The following CD9 variants were observed in gnomAD, a reference collection of about 807,000 sequenced individuals.
CD9 encodes CD9 molecule.
A neutral mutation model predicts 31.4 loss-of-function variants in CD9; 10 were observed. That is an observed-to-expected ratio of 0.32 (90% CI 0.20 to 0.54). CD9 has a LOEUF of 0.54. CD9 is among the 20% of genes least tolerant of loss of function. The probability of loss-of-function intolerance (pLI) is 0.94; values close to 1 mark genes in which losing one functional copy is unlikely to be tolerated. For missense variants in CD9, 259 were observed against 300.1 expected (o/e 0.86, Z 1.01); for synonymous variants, 113 against 114.1 (o/e 0.99, Z 0.06).
intron 1 of CD9, among the ~76,000 whole-genome samples, chr12:6,202,185 A>G (rs1478565076): frequency 2.0e-5 from 3 of 152,114 alleles, no homozygotes; most frequent in Admixed American, 2.0e-4. Context: ...GCAGAGACTG[A>G]CTTCCCCCAG....
At chr12:6,221,833 AG>A in intron 1 of CD9, among the ~76,000 whole-genome samples, 1 of 148,492 alleles carries the variant, frequency 6.7e-6, no homozygotes, top group African/African-American at 2.4e-5. Flanking sequence ...AAAAAAAAAA[AG>A]GGTTTAAAAT....
chr12:6,209,438 G>A (rs555565007), intron 1 of CD9, among the ~76,000 whole-genome samples: 1 of 152,176 alleles, frequency 6.6e-6, no homozygotes, highest in Non-Finnish European at 1.5e-5. Context: ...CGTTCCTAGA[G>A]ACGGGAGGCC....
intron 2 of CD9, among the ~76,000 whole-genome samples, chr12:6,231,140 T>G (rs1162019937): frequency 1.3e-5 from 2 of 152,156 alleles, no homozygotes; most frequent in Non-Finnish European, 2.9e-5. Context: ...AGCCCCTACA[T>G]CAAGGATATC....
intron 7 of CD9, 61 bp downstream of exon 7, chr12:6,236,336 G>C: frequency 6.9e-7 from 1 of 1,452,022 alleles, no homozygotes; most frequent in Non-Finnish European, 9.7e-7. Context: ...TTCAGCCCAT[G>C]CTCTACCCAG....
chr12:6,237,864 A>AT lies in CD9; in HGVS notation c.*37dup, dbSNP rs1565431458. 1 of 1,477,968 alleles carries AT rather than the reference A, an allele frequency of 6.8e-7. No homozygotes were observed. The highest frequency in any genetic ancestry group is 1.7e-5 in the Admixed American group (1 of 58,526). The allele number at this position is 1,477,968 out of a possible 1,614,324, so 91.6% of individuals were successfully genotyped here. A position where few individuals can be genotyped will look rare whatever the true frequency, so the allele number is the denominator to read the frequency against. The stretch of plus-strand genomic sequence containing the variant: ...CATCCCTGAGCAGGAAAGTTTACCC[A>AT]TGAAGATTGGTGGGATTTTTTGTTT... On this transcript the variant is annotated 3_prime_UTR_variant, in exon 8 of 8. Transcript: ENST00000009180.
At chr12:6,217,644 C>A (rs571450008) in intron 1 of CD9, among the ~76,000 whole-genome samples, 1 of 152,168 alleles carries the variant, frequency 6.6e-6, no homozygotes, top group African/African-American at 2.4e-5. Context: ...AGCCACCTGT[C>A]CCTTGTTGAA....
At chr12:6,228,558 C>CAA (rs5796224) in intron 2 of CD9, among the ~76,000 whole-genome samples, 251 of 68,082 alleles carry the variant, frequency 3.7e-3, no homozygotes, top group Non-Finnish European at 5.6e-3. Context: ...GACTCCATCT[C>CAA]AAAAAAAAAA....
At chr12:6,201,306 C>CA (rs36107890) in intron 1 of CD9, among the ~76,000 whole-genome samples, 61,822 of 152,128 alleles carry the variant, frequency 0.41, 13,162 homozygotes, top group Admixed American at 0.53. Context: ...GGAGAGAACT[C>CA]AGAGTTCGGG....
chr12:6,228,445 G>A (rs892822269), intron 2 of CD9, among the ~76,000 whole-genome samples: 7 of 151,560 alleles, frequency 4.6e-5, no homozygotes, highest in African/African-American at 1.7e-4. Flanking sequence ...CCAGCTACTC[G>A]GGAGGCTGAG....
At chr12:6,207,794 G>T (rs1946149159) in intron 1 of CD9, among the ~76,000 whole-genome samples, 1 of 152,178 alleles carries the variant, frequency 6.6e-6, no homozygotes, top group African/African-American at 2.4e-5. Context: ...AGGAGGTCCC[G>T]GTAGAGAGAA....
intron 1 of CD9, among the ~76,000 whole-genome samples, chr12:6,213,353 C>G (rs578025057): frequency 3.3e-5 from 5 of 152,380 alleles, no homozygotes; most frequent in Admixed American, 6.5e-5. Context: ...GAGGACGTAT[C>G]TTTCCACCTG....
intron 2 of CD9, among the ~76,000 whole-genome samples, chr12:6,226,147 C>T (rs976931036): frequency 1.3e-5 from 2 of 152,160 alleles, no homozygotes; most frequent in Non-Finnish European, 2.9e-5. Context: ...CCAGTTTAAA[C>T]CTGCCTGGGA....
chr12:6,221,110 C>T (rs1404567884), intron 1 of CD9, among the ~76,000 whole-genome samples: 3 of 152,334 alleles, frequency 2.0e-5, no homozygotes, highest in African/African-American at 4.8e-5. Context: ...ATGTTTTTCT[C>T]AGGGCCTAGC....
chr12:6,199,992 C>A (rs185485301), upstream of CD9: 1 of 152,176 alleles, frequency 6.6e-6, no homozygotes, highest in African/African-American at 2.4e-5. Context: ...CCTGACGACC[C>A]GGGGAAGAGT....
chr12:6,237,848 G>A lies in CD9; in HGVS notation c.*20G>A, dbSNP rs1356637815. ...GTCTAGAGTCAGCTTACATCCCTGA[G>A]CAGGAAAGTTTACCCATGAAGATTG... On this transcript the variant is annotated 3_prime_UTR_variant, in exon 8 of 8. Coordinates refer to ENST00000009180, the MANE Select transcript of CD9 (RefSeq NM_001769.4). The A allele has an allele frequency of 1.9e-6, 3 of 1,584,772 alleles. No homozygotes were observed. The South Asian group carries it at 3.3e-5, about 18-fold the overall frequency.
At chr12:6,224,192 ATTATC>A (rs1017617437) in intron 1 of CD9, among the ~76,000 whole-genome samples, 1 of 152,108 alleles carries the variant, frequency 6.6e-6, no homozygotes, top group African/African-American at 2.4e-5. Flanking sequence ...CACTTCTGAT[ATTATC>A]TTCTTTATTC....
chr12:6,216,183 C>A (rs976652738), intron 1 of CD9, among the ~76,000 whole-genome samples: 1 of 152,204 alleles, frequency 6.6e-6, no homozygotes, highest in East Asian at 1.9e-4. Context: ...GGCCCAGAGC[C>A]CACAGGTCTG....
At chr12:6,200,647 C>T (rs1565416688) in intron 1 of CD9, 82 bp downstream of exon 1, 7 of 928,416 alleles carry the variant, frequency 7.5e-6, no homozygotes, top group East Asian at 2.6e-5. Flanking sequence ...CCGCGAGTGC[C>T]GGCAGCTGGC....
At chr12:6,216,923 G>A (rs1446356945) in intron 1 of CD9, among the ~76,000 whole-genome samples, 3 of 152,066 alleles carry the variant, frequency 2.0e-5, no homozygotes, top group Admixed American at 1.3e-4. Context: ...TATGGAATCC[G>A]GCTGGCTGTA....
Sources: gnomAD v4.1 joint callset for allele counts (sites outside exome capture counted in the v4.1 genomes callset) on GRCh38, gnomAD v4.1.1 for gene constraint, MANE v1.5 for transcripts, NCBI Gene and HGNC (gene_info 2026-07-23, HGNC 2026-07-21) for gene names.